FRMD4A: variants seen among roughly 807,000 people sequenced by gnomAD.
FRMD4A encodes the protein FERM domain containing 4A, also known as FERM domain-containing protein 4A.
A neutral mutation model predicts 129.1 loss-of-function variants in FRMD4A; 29 were observed. The ratio of observed to expected loss-of-function variants is 0.22; its 90% CI spans 0.17 to 0.31. The LOEUF (loss-of-function observed/expected upper bound fraction) is 0.31. Ranked by LOEUF, FRMD4A falls within the 10% of genes least tolerant of loss-of-function variation. FRMD4A has a pLI of 1.00. For missense variants in FRMD4A, 1,272 were observed against 1,375.8 expected, an observed-to-expected ratio of 0.92 and a Z score of 1.19; for synonymous variants, 634 against 571.6, an observed-to-expected ratio of 1.11 and a Z score of -1.56.
chr10:14,198,828 C>T lies in FRMD4A; in HGVS notation c.45+131230G>A, dbSNP rs567581597. ...TTCCAACTCCGCATTTTATGAGCTG[C>T]GAGACCGCTCTAAGTCTCAGTTTTC... is the stretch of plus-strand genomic sequence containing the variant. On this transcript the variant is annotated intron_variant, in intron 2 of 24. Coordinates refer to ENST00000357447, the MANE Select transcript of FRMD4A (RefSeq NM_018027.5). 2.6e-4 allele frequency among the ~76,000 whole-genome samples: 40 copies of T among 152,220 alleles called. No individual in the cohort carries two copies. The South Asian group carries it at 7.7e-3, about 29-fold the overall frequency.
chr10:13,851,476 T>C (rs370797634), intron 3 of FRMD4A, among the ~76,000 whole-genome samples: 7 of 152,292 alleles, frequency 4.6e-5, no homozygotes, highest in African/African-American at 1.7e-4. Flanking sequence ...CCTATACTTA[T>C]AGCCTCTCCC....
At chr10:13,755,795 C>G (rs1215776461) in intron 8 of FRMD4A, among the ~76,000 whole-genome samples, 1 of 152,206 alleles carries the variant, frequency 6.6e-6, no homozygotes, top group East Asian at 1.9e-4. Flanking sequence ...CTGATATTCT[C>G]TCACTTGGAC....
In FRMD4A at chr10:13,737,934, G is replaced by A; in HGVS notation, c.673-4C>T. 1.3e-6 allele frequency: 2 copies of A among 1,567,792 alleles called. No homozygotes were observed. The highest frequency in any genetic ancestry group is 1.4e-5 in the African/African-American group (1 of 73,988). ...ACCATGGTATGCCCTGCTTGTCCTA[G>A]GATATCAAAAAAAGTTTGGGTGAAT... On this transcript the variant is annotated splice_region_variant and splice_polypyrimidine_tract_variant and intron_variant, in intron 11 of 24. Coordinates refer to ENST00000357447, the MANE Select transcript of FRMD4A (RefSeq NM_018027.5).
intron 2 of FRMD4A, among the ~76,000 whole-genome samples, chr10:14,094,643 C>G (rs1475079566): frequency 6.6e-6 from 1 of 152,164 alleles, no homozygotes; most frequent in African/African-American, 2.4e-5. Context: ...AAAATCCTGT[C>G]TGCTTCAGAA....
chr10:14,265,586 A>G (rs555595087), intron 2 of FRMD4A, among the ~76,000 whole-genome samples: 12 of 152,368 alleles, frequency 7.9e-5, no homozygotes, highest in African/African-American at 2.9e-4. Flanking sequence ...AACTCAGTGC[A>G]TTCTGAGGGT....
intron 2 of FRMD4A, among the ~76,000 whole-genome samples, chr10:14,187,617 G>A (rs1448100034): frequency 5.3e-5 from 8 of 152,078 alleles, no homozygotes; most frequent in East Asian, 3.9e-4. Flanking sequence ...CCGTCCCTAC[G>A]AAAAATCAAA....
chr10:13,711,524 A>G (rs943211677), intron 12 of FRMD4A, among the ~76,000 whole-genome samples: 4 of 152,250 alleles, frequency 2.6e-5, no homozygotes, highest in African/African-American at 9.6e-5. Context: ...ATAAAAACAC[A>G]GCAGGCACCC....
intron 2 of FRMD4A, among the ~76,000 whole-genome samples, chr10:14,224,617 A>C (rs1328296235): frequency 6.6e-6 from 1 of 152,150 alleles, no homozygotes; most frequent in Non-Finnish European, 1.5e-5. Context: ...AGCATCTGGC[A>C]AGTCAGCCTA....
intron 15 of FRMD4A, among the ~76,000 whole-genome samples, chr10:13,677,720 T>C (rs1289904144): frequency 6.6e-6 from 1 of 152,276 alleles, no homozygotes; most frequent in Admixed American, 6.5e-5. Flanking sequence ...GGCTAAATCA[T>C]TGTGACTCTT....
chr10:14,081,998 C>T (rs1472412099), intron 2 of FRMD4A, among the ~76,000 whole-genome samples: 1 of 152,234 alleles, frequency 6.6e-6, no homozygotes, highest in Non-Finnish European at 1.5e-5. Flanking sequence ...CCTGTAATCC[C>T]AGCACTTTGG....
chr10:13,733,567 C>T (rs766081117), intron 12 of FRMD4A, among the ~76,000 whole-genome samples: 9 of 152,216 alleles, frequency 5.9e-5, no homozygotes, highest in East Asian at 3.9e-4. Context: ...AGATTATAGG[C>T]GCCCCGCCCC....
At chr10:13,896,861 TC>T (rs1466719956) in intron 2 of FRMD4A, among the ~76,000 whole-genome samples, 1 of 152,196 alleles carries the variant, frequency 6.6e-6, no homozygotes, top group Non-Finnish European at 1.5e-5. Context: ...AATGGTCTGT[TC>T]CCCGAAGAGC....
chr10:13,746,812 T>C (rs139558316), intron 9 of FRMD4A, among the ~76,000 whole-genome samples: 118 of 152,264 alleles, frequency 7.7e-4, no homozygotes, highest in African/African-American at 2.6e-3. Context: ...AGGAACCCAG[T>C]AGGATTTCAA....
intron 2 of FRMD4A, among the ~76,000 whole-genome samples, chr10:14,137,029 C>T (rs1839573988): frequency 6.6e-6 from 1 of 152,228 alleles, no homozygotes; most frequent in African/African-American, 2.4e-5. Context: ...CAATTATTGT[C>T]GTTTGCTGAT....
intron 2 of FRMD4A, among the ~76,000 whole-genome samples, chr10:14,248,470 C>A (rs1844323848): frequency 2.9e-5 from 1 of 33,986 alleles, no homozygotes; most frequent in Admixed American, 5.3e-4. Flanking sequence ...ATTTTAGAGT[C>A]ATTCAATTCA....
At chr10:13,743,214 A>G (rs1415162512) in intron 9 of FRMD4A, among the ~76,000 whole-genome samples, 1 of 152,110 alleles carries the variant, frequency 6.6e-6, no homozygotes, top group African/African-American at 2.4e-5. Context: ...TTCTATATCA[A>G]GTGTGACAAG....
chr10:13,716,264 T>A (rs1445165431), intron 12 of FRMD4A, among the ~76,000 whole-genome samples: 2 of 152,238 alleles, frequency 1.3e-5, no homozygotes, highest in Non-Finnish European at 2.9e-5. Flanking sequence ...GTTTTGACCA[T>A]TTTCCTGTTA....
chr10:13,700,718 G>A (rs1385699573), intron 14 of FRMD4A, among the ~76,000 whole-genome samples: 3 of 151,608 alleles, frequency 2.0e-5, no homozygotes, highest in East Asian at 1.9e-4. Context: ...ACCAGAAAAC[G>A]CAGCTGCGTG....
intron 2 of FRMD4A, among the ~76,000 whole-genome samples, chr10:14,314,271 T>C (rs1477597039): frequency 3.3e-5 from 5 of 151,932 alleles, no homozygotes; most frequent in Non-Finnish European, 7.4e-5. Flanking sequence ...TCCTTCGAGC[T>C]ACTCACTCTC....
Sources: allele counts gnomAD v4.1 joint callset (sites outside exome capture counted in the v4.1 genomes callset), GRCh38; gene constraint gnomAD v4.1.1; transcripts MANE v1.5; gene names NCBI Gene and HGNC (gene_info 2026-07-23, HGNC 2026-07-21).